SYBU: variants seen among roughly 807,000 people sequenced by gnomAD.
SYBU encodes GOLSYN A protein.
Under a neutral mutation model 35.9 loss-of-function variants are expected in SYBU, and 21 were observed. The ratio of observed to expected loss-of-function variants is 0.58; its 90% confidence interval spans 0.41 to 0.84. SYBU has a LOEUF of 0.84. Among genes scored for constraint, SYBU ranks in the 40% least tolerant of loss-of-function variants. SYBU has a pLI of 0.00. For synonymous variants in SYBU, 319 were observed against 324.3 expected, an observed-to-expected ratio of 0.98 and a Z score of 0.18; for missense variants, 768 against 848.2, an observed-to-expected ratio of 0.91 and a Z score of 1.17.
intron 1 of SYBU, among the ~76,000 whole-genome samples, chr8:109,687,888 T>G (rs113583283): frequency 9.8e-5 from 15 of 152,348 alleles, no homozygotes; most frequent in African/African-American, 2.9e-4. Context: ...TTAAATGGAC[T>G]GCTCTAACAA....
At position 109,642,854 on chromosome 8, in the gene SYBU, G is replaced by T; in HGVS notation, c.103C>A (p.Pro35Thr). The change falls in exon 2 of 7, where the codon CCC becomes ACC. Residue 35 changes from proline to threonine, a missense_variant. By Grantham distance (38) the Pro-to-Thr change is conservative. Transcript: ENST00000276646. ...GGGGACACTTTGTGCTGTTGTTGGGGCATATGGGGCCGAAGAATCAACCGG... is the reference window on the plus strand; with the variant it reads ...GGGGACACTTTGTGCTGTTGTTGGGTCATATGGGGCCGAAGAATCAACCGG... ...IPRLILRPHM[P>T]QQQHKVSPAS... The T allele has an allele frequency of 6.2e-7, 1 of 1,610,336 alleles. No homozygotes were observed. The highest frequency in any genetic ancestry group is 8.5e-7 in the Non-Finnish European group (1 of 1,178,168).
intron 1 of SYBU, among the ~76,000 whole-genome samples, chr8:109,678,466 A>T (rs1322835484): frequency 8.8e-6 from 1 of 113,820 alleles, no homozygotes; most frequent in Admixed American, 1.2e-4. Flanking sequence ...TTTGAGACAG[A>T]GTCTTGCTCT....
chr8:109,634,319 G>T (rs1455662209), intron 2 of SYBU, among the ~76,000 whole-genome samples: 1 of 152,142 alleles, frequency 6.6e-6, no homozygotes, highest in African/African-American at 2.4e-5. Context: ...CACAACACTG[G>T]AGTCATGGTT....
chr8:109,574,834 A>AT lies in SYBU; in HGVS notation c.*71dup. The stretch of plus-strand genomic sequence containing the variant: ...GACAGAATAGAGACTGTCACAGATG[A>AT]TTGACTTCCTGTTTCTCTACCTGGC... On this transcript the variant is annotated 3_prime_UTR_variant, in exon 7 of 7. Transcript: ENST00000276646. 6.9e-7 allele frequency: 1 copy of AT among 1,457,586 alleles called. No individual in the cohort carries two copies. The allele number at this position is 1,457,586 out of a possible 1,614,324, so 90.3% of individuals were successfully genotyped here. A position where few individuals can be genotyped will look rare whatever the true frequency, so the allele number is the denominator to read the frequency against.
At position 109,587,972 on chromosome 8, in the gene SYBU, T is replaced by C. The variant is rs1823818608; in HGVS notation, c.428-1810A>G. Among the ~76,000 whole-genome samples the C allele has an allele frequency of 2.0e-5, 3 of 152,362 alleles. No homozygotes were observed. In the South Asian group the frequency reaches 6.2e-4, roughly 32 times the overall value. On this transcript the variant is annotated intron_variant, in intron 3 of 6. Coordinates refer to ENST00000276646, the MANE Select transcript of SYBU (RefSeq NM_001099754.2). ...CTGGTTAAACTGTAGTAGTTTACAATCTGAAGGATTCATGATTGGTAATGC... is the reference window on the plus strand; with the variant it reads ...CTGGTTAAACTGTAGTAGTTTACAACCTGAAGGATTCATGATTGGTAATGC...
chr8:109,576,116 C>T (rs1002414397), intron 6 of SYBU, 103 bp from the exon 7 acceptor site: 6 of 1,344,608 alleles, frequency 4.5e-6, no homozygotes, highest in Non-Finnish European at 5.9e-6. Flanking sequence ...GGCACAGAGC[C>T]AAGAGCTCAT....
chr8:109,656,055 G>T lies in SYBU; in HGVS notation c.-129+24656C>A, dbSNP rs557356651. Among the ~76,000 whole-genome samples, 51 of 152,184 alleles carry T rather than the reference G, an allele frequency of 3.4e-4. 1 individual carries two copies. The highest frequency in any genetic ancestry group is 1.2e-3 in the African/African-American group (50 of 41,524). On this transcript the variant is annotated intron_variant, in intron 1 of 5. Coordinates refer to the SYBU transcript ENST00000408889. ...CGCTTGAACCCAGGAAGCGGAGGTTGCAGTGAGATGAAATCATGCCACTGC... is the reference window on the plus strand; with the variant it reads ...CGCTTGAACCCAGGAAGCGGAGGTTTCAGTGAGATGAAATCATGCCACTGC...
At chr8:109,593,870 G>T (rs1157598468) in intron 3 of SYBU, among the ~76,000 whole-genome samples, 1 of 152,166 alleles carries the variant, frequency 6.6e-6, no homozygotes, top group Non-Finnish European at 1.5e-5. Flanking sequence ...TCTGGGAAAG[G>T]TTACATCCAC....
At chr8:109,617,344 C>T (rs759468140) in intron 3 of SYBU, among the ~76,000 whole-genome samples, 4 of 152,124 alleles carry the variant, frequency 2.6e-5, no homozygotes, top group Non-Finnish European at 5.9e-5. Context: ...GAACAGAGTG[C>T]TGATGGACTT....
intron 3 of SYBU, among the ~76,000 whole-genome samples, chr8:109,604,160 T>A (rs1257418943): frequency 6.6e-6 from 1 of 152,086 alleles, no homozygotes; most frequent in Non-Finnish European, 1.5e-5. Context: ...AAAGGAGCCA[T>A]CTAAAAAATT....
At position 109,584,903 on chromosome 8, in the gene SYBU, G is replaced by A. The variant is rs1197178747; in HGVS notation, c.530+1157C>T. ...CCGTGGCCCAGGGGAATCAAGTGAC[G>A]TGACAAAGTCAGAAGCCAGGTCCCC... is the stretch of plus-strand genomic sequence containing the variant. On this transcript the variant is annotated intron_variant, in intron 4 of 6. Transcript: ENST00000276646. This position sits in a 1 kb window ranked among gnomAD's most constrained non-coding sequence, Gnocchi z 4.0. Among the ~76,000 whole-genome samples, 3 of 152,046 alleles carry A rather than the reference G, an allele frequency of 2.0e-5. No homozygotes were observed. The highest frequency in any genetic ancestry group is 1.9e-4 in the East Asian group (1 of 5,184).
At chr8:109,608,057 G>A (rs1826251239) in intron 3 of SYBU, 3 of 1,042,848 alleles carry the variant, frequency 2.9e-6, no homozygotes, top group Non-Finnish European at 4.1e-6. Flanking sequence ...GGTATCCATG[G>A]AGACTGAGCC....
At position 109,575,441 on chromosome 8, in the gene SYBU, C is replaced by T. The variant is rs769658598; in HGVS notation, c.1457G>A (p.Arg486Gln). The change falls in exon 7 of 7, where the codon CGA (arginine) becomes CAA (glutamine). Residue 486 changes from arginine to glutamine, a missense_variant. Coordinates refer to ENST00000276646, the MANE Select transcript of SYBU (RefSeq NM_001099754.2). The part of the protein sequence containing the change: ...GQEEGSVVVE[R>Q]AVQTDVVPYS... Reference sequence around the variant, plus strand: ...GGGCACCACGTCGGTCTGAACGGCTCGCTCCACCACCACACTGCCCTCCTC... The same window carrying T: ...GGGCACCACGTCGGTCTGAACGGCTTGCTCCACCACCACACTGCCCTCCTC... 2.2e-5 allele frequency: 35 copies of T among 1,613,962 alleles called. No homozygotes were observed. Among genetic ancestry groups the T allele is most frequent in the African/African-American group, 5.3e-5 (4 of 74,888 alleles).
intron 4 of SYBU, among the ~76,000 whole-genome samples, chr8:109,583,677 A>G (rs922367217): frequency 4.7e-4 from 71 of 152,286 alleles, no homozygotes; most frequent in Admixed American, 4.2e-3. Context: ...TTTGGCAGAG[A>G]TACCCAGCTA....
chr8:109,592,378 C>T (rs921155636), intron 3 of SYBU, among the ~76,000 whole-genome samples: 15 of 152,158 alleles, frequency 9.9e-5, no homozygotes, highest in African/African-American at 1.7e-4. Context: ...TCCCCATGGA[C>T]GCCTCCAAAA....
At position 109,678,259 on chromosome 8, in the gene SYBU, T is replaced by C. The variant is rs117292128; in HGVS notation, c.-129+2452A>G. Among the ~76,000 whole-genome samples the C allele has an allele frequency of 6.1e-3, 925 of 151,462 alleles. 13 individuals carry two copies. The East Asian group carries it at 0.064, about 10-fold the overall frequency. On this transcript the variant is annotated intron_variant, in intron 1 of 5. Transcript: ENST00000408889. The stretch of plus-strand genomic sequence containing the variant: ...TTTTCCAGAGTTGACCTCAAGTATA[T>C]TAGCATTTAGATGAAGCATCACATT...
intron 6 of SYBU, among the ~76,000 whole-genome samples, chr8:109,576,781 A>T (rs1554608043): frequency 6.6e-6 from 1 of 152,080 alleles, no homozygotes; most frequent in Non-Finnish European, 1.5e-5. Flanking sequence ...CTTATATATA[A>T]TTTTTTCATA....
chr8:109,691,435 A>T lies in SYBU; in HGVS notation c.-160T>A. On this transcript the variant is annotated 5_prime_UTR_variant, in exon 1 of 8. Coordinates refer to the SYBU transcript ENST00000422135. The surrounding 1 kb of genome is among the most constrained non-coding windows in gnomAD (Gnocchi z 4.7). The stretch of plus-strand genomic sequence containing the variant: ...TGGGCCGGGTGCCGGTGCGGACGGG[A>T]CCCCGCGTCGCTGCTGGTTTGCGCT... 1.5e-6 allele frequency: 1 copy of T among 667,762 alleles called. No homozygotes were observed. Among genetic ancestry groups the T allele is most frequent in the South Asian group, 1.6e-5 (1 of 64,306 alleles). The allele number at this position is 667,762 out of a possible 1,614,324, so 41.4% of individuals were successfully genotyped here.
chr8:109,593,571 T>C (rs1349069383), intron 3 of SYBU, among the ~76,000 whole-genome samples: 1 of 152,242 alleles, frequency 6.6e-6, no homozygotes, highest in Admixed American at 6.5e-5. Context: ...TGGTTCATGG[T>C]TCAAAGTCCT....
Sources: allele counts gnomAD v4.1 joint callset (sites outside exome capture counted in the v4.1 genomes callset), GRCh38; gene constraint gnomAD v4.1.1; non-coding constraint Gnocchi (gnomAD v3.1); transcripts MANE v1.5; gene names NCBI Gene and HGNC (gene_info 2026-07-23, HGNC 2026-07-21).